CHL1: variants seen among roughly 807,000 people sequenced by gnomAD.
CHL1 encodes cell adhesion molecule L1 like.
In CHL1, 96 loss-of-function variants were observed where a neutral mutation model predicts 141.9. The ratio of observed to expected loss-of-function variants is 0.68; its 90% confidence interval spans 0.57 to 0.80. CHL1 has a LOEUF of 0.80. Ranked by LOEUF, CHL1 falls within the 30% of genes least tolerant of loss-of-function variation. CHL1 has a pLI of 0.00. For synonymous variants in CHL1, 613 were observed against 502.2 expected (o/e 1.22, Z -2.95); for missense variants, 1,820 against 1,457.2 (o/e 1.25, Z -4.05).
chr3:396,082 A>G (rs1342081497), intron 24 of CHL1, among the ~76,000 whole-genome samples: 1 of 152,216 alleles, frequency 6.6e-6, no homozygotes, highest in African/African-American at 2.4e-5. Context: ...AAAGCCCTTT[A>G]TGTGGGAAAA....
chr3:367,639 T>A (rs888790099), intron 15 of CHL1, among the ~76,000 whole-genome samples: 3 of 152,220 alleles, frequency 2.0e-5, no homozygotes, highest in Non-Finnish European at 4.4e-5. Flanking sequence ...TTTTTCCTTA[T>A]GACAAATTTC....
At chr3:284,509 T>C (rs950605889) in intron 2 of CHL1, among the ~76,000 whole-genome samples, 7 of 152,168 alleles carry the variant, frequency 4.6e-5, no homozygotes, top group Non-Finnish European at 7.3e-5. Flanking sequence ...TGAGGGAGCA[T>C]AGCCCTACCA....
intron 8 of CHL1, among the ~76,000 whole-genome samples, chr3:343,903 C>T (rs3773403): frequency 2.6e-5 from 4 of 152,230 alleles, no homozygotes; most frequent in Admixed American, 6.5e-5. Context: ...AAAATAAACA[C>T]GAAGTATAGA....
At chr3:259,022 T>C (rs190074883) in intron 2 of CHL1, among the ~76,000 whole-genome samples, 66 of 151,254 alleles carry the variant, frequency 4.4e-4, no homozygotes, top group Non-Finnish European at 7.1e-4. Flanking sequence ...CAGCCTCGAC[T>C]TCCTGGGCTC....
rs1234302438 is a variant in CHL1 at position 363,241 on chromosome 3, C to T, written c.1443C>T (p.Pro481=). 1 of 1,611,108 alleles carries T rather than the reference C, an allele frequency of 6.2e-7. No individual in the cohort carries two copies. Reference sequence around the variant, plus strand: ...GGCAGAAGGTGGAAGAAGTGAAACCCCTGGAGGGCAGGCGGTATCATATCT... The same window carrying T: ...GGCAGAAGGTGGAAGAAGTGAAACCTCTGGAGGGCAGGCGGTATCATATCT... The part of the protein sequence containing the change: ...VSWQKVEEVK[P]LEGRRYHIYE... The change falls in exon 14 of 28, where the codon CCC becomes CCT. Residue 481 remains proline, a synonymous_variant. Coordinates refer to ENST00000256509, the MANE Select transcript of CHL1 (RefSeq NM_006614.4).
At chr3:219,168 T>G (rs564057373) in intron 1 of CHL1, among the ~76,000 whole-genome samples, 159 of 149,830 alleles carry the variant, frequency 1.1e-3, no homozygotes, top group African/African-American at 3.7e-3. Flanking sequence ...GGTCAAAAAA[T>G]AAAAGATGCA....
At chr3:354,356 A>G (rs1404534639) in intron 10 of CHL1, among the ~76,000 whole-genome samples, 2 of 152,056 alleles carry the variant, frequency 1.3e-5, no homozygotes, top group Non-Finnish European at 2.9e-5. Flanking sequence ...CTACTTGTAT[A>G]GCTAAATAAA....
At chr3:377,991 T>A (rs1255918768) in intron 16 of CHL1, 49 bp downstream of exon 16, 2 of 1,513,844 alleles carry the variant, frequency 1.3e-6, no homozygotes, top group Non-Finnish European at 1.8e-6. Flanking sequence ...CATTTCTGAT[T>A]AAATCCCATC....
intron 9 of CHL1, among the ~76,000 whole-genome samples, chr3:348,196 C>A (rs184571637): frequency 6.6e-6 from 1 of 152,186 alleles, no homozygotes; most frequent in East Asian, 1.9e-4. Context: ...TTAGAGTAGA[C>A]AAATATAAGT....
chr3:393,521 C>T (rs1346424229), intron 23 of CHL1, among the ~76,000 whole-genome samples: 2 of 151,860 alleles, frequency 1.3e-5, no homozygotes, highest in East Asian at 1.9e-4. Context: ...GAAATATTAA[C>T]AATTGTAATG....
intron 2 of CHL1, among the ~76,000 whole-genome samples, chr3:253,908 A>G (rs1267307680): frequency 6.6e-6 from 1 of 152,210 alleles, no homozygotes; most frequent in Non-Finnish European, 1.5e-5. Flanking sequence ...CAAATTTAAC[A>G]TTTATTGAGA....
chr3:246,989 C>T (rs996272179), intron 2 of CHL1: 9 of 151,998 alleles, frequency 5.9e-5, no homozygotes, highest in African/African-American at 2.2e-4. Context: ...CTTATCTCTA[C>T]ACACTGCATC....
intron 23 of CHL1, among the ~76,000 whole-genome samples, chr3:394,429 G>C (rs1208383746): frequency 1.3e-5 from 2 of 152,086 alleles, no homozygotes; most frequent in Non-Finnish European, 2.9e-5. Context: ...GGGGTCAAAA[G>C]GCCATGGTTT....
chr3:354,517 GCTA>G, intron 10 of CHL1, 120 bp from the exon 11 acceptor site: 1 of 1,073,356 alleles, frequency 9.3e-7, no homozygotes. Flanking sequence ...ACCAAAAAGA[GCTA>G]CTATGAAACC....
intron 8 of CHL1, 96 bp downstream of exon 8, chr3:343,127 C>A: frequency 1.1e-6 from 1 of 906,228 alleles, no homozygotes; most frequent in Non-Finnish European, 1.7e-6. Context: ...AAGTTTATTA[C>A]AATACTGTTA....
At position 394,757 on chromosome 3, in the gene CHL1, C is replaced by A. The variant is rs2106400465; in HGVS notation, c.2979C>A (p.Ser993Arg). ...ACATTACAACTCCATCAAAGCCCAGCTGGCACCTCTCAAACCTGAATGCAA... is the reference window on the plus strand; with the variant it reads ...ACATTACAACTCCATCAAAGCCCAGATGGCACCTCTCAAACCTGAATGCAA... ...DINITTPSKP[S>R]WHLSNLNATT... Residue 993 changes from serine to arginine, a missense_variant, in exon 24 of 28, where the codon AGC (serine) becomes AGA (arginine). Coordinates refer to ENST00000256509, the MANE Select transcript of CHL1 (RefSeq NM_006614.4). 6.2e-7 allele frequency: 1 copy of A among 1,613,790 alleles called. No homozygotes were observed. The highest frequency in any genetic ancestry group is 2.2e-5 in the East Asian group (1 of 44,878).
chr3:366,350 G>A (rs1865162), intron 15 of CHL1, among the ~76,000 whole-genome samples: 135,234 of 151,714 alleles, frequency 0.89, 61,409 homozygotes, highest in East Asian at 1. Context: ...ACGTGCCTGT[G>A]ATCCCAGCTA....
chr3:342,108 A>G (rs1277859435), intron 7 of CHL1, 26 bp downstream of exon 7: 19 of 1,586,246 alleles, frequency 1.2e-5, no homozygotes, highest in African/African-American at 2.7e-5. Flanking sequence ...TTATCGTTTC[A>G]TCATGTATGC....
chr3:290,759 A>T (rs1697613409), intron 2 of CHL1, among the ~76,000 whole-genome samples: 1 of 152,044 alleles, frequency 6.6e-6, no homozygotes, highest in Non-Finnish European at 1.5e-5. Flanking sequence ...TGGAGCTGTA[A>T]TCACACACAA....
Sources: allele counts gnomAD v4.1 joint callset (sites outside exome capture counted in the v4.1 genomes callset), GRCh38; gene constraint gnomAD v4.1.1; transcripts MANE v1.5; gene names NCBI Gene and HGNC (gene_info 2026-07-23, HGNC 2026-07-21).